HERC4: variants seen among roughly 807,000 people sequenced by gnomAD.
HERC4 encodes probable E3 ubiquitin-protein ligase HERC4.
A neutral mutation model predicts 124.3 loss-of-function variants in HERC4; 28 were observed. The observed-to-expected ratio is 0.23, with a 90% confidence interval of 0.17 to 0.31. HERC4 has a LOEUF of 0.31. HERC4 is among the 10% of genes least tolerant of loss of function. The probability of loss-of-function intolerance (pLI) is 1.00; values close to 1 mark genes in which losing one functional copy is unlikely to be tolerated. For synonymous variants in HERC4, 407 were observed against 421.5 expected (o/e 0.97, Z 0.42); for missense variants, 713 against 1,229.3 (o/e 0.58, Z 6.28).
At chr10:68,030,293 T>C (rs1424952165) in intron 7 of HERC4, among the ~76,000 whole-genome samples, 2 of 151,456 alleles carry the variant, frequency 1.3e-5, no homozygotes, top group Non-Finnish European at 2.9e-5. Context: ...ATACAAAAAA[T>C]AGCCGGGTGT....
At chr10:68,013,539 T>C (rs1482410054) in intron 9 of HERC4, among the ~76,000 whole-genome samples, 4 of 152,254 alleles carry the variant, frequency 2.6e-5, no homozygotes, top group African/African-American at 7.2e-5. Context: ...TAAGTCAAAT[T>C]CATAAAGACA....
At chr10:67,955,812 G>A (rs12414281) in intron 17 of HERC4, 16,827 of 152,112 alleles carry the variant, frequency 0.11, 961 homozygotes, top group South Asian at 0.15. Flanking sequence ...GAATGATCTG[G>A]CTAAGGAAGC....
chr10:67,968,188 T>TA (rs2035005499), intron 15 of HERC4, among the ~76,000 whole-genome samples: 1 of 151,928 alleles, frequency 6.6e-6, no homozygotes, highest in Non-Finnish European at 1.5e-5. Context: ...CAGTGAGGAA[T>TA]AAAAAAATCA....
chr10:67,962,771 T>C (rs1369950945), intron 16 of HERC4, among the ~76,000 whole-genome samples: 1 of 152,146 alleles, frequency 6.6e-6, no homozygotes, highest in Admixed American at 6.6e-5. Flanking sequence ...AAAATGCTCT[T>C]AGAAAATGTT....
At chr10:67,993,495 C>G (rs1341378774) in intron 9 of HERC4, 1 of 151,706 alleles carries the variant, frequency 6.6e-6, no homozygotes, top group African/African-American at 2.4e-5. Flanking sequence ...CCACTGCACT[C>G]CAGCAAGCAA....
intron 4 of HERC4, among the ~76,000 whole-genome samples, chr10:68,041,333 T>C (rs183099483): frequency 8.1e-4 from 123 of 152,184 alleles, no homozygotes; most frequent in Non-Finnish European, 2.9e-4. Flanking sequence ...AATAGGGGAG[T>C]AGATTTTTAA....
rs1483018828 is a variant in HERC4, at chr10:68,059,633, A to C, written c.226+13250T>G. 2.6e-4 allele frequency among the ~76,000 whole-genome samples: 22 copies of C among 83,892 alleles called. 3 individuals are homozygous for C. Among genetic ancestry groups the C allele is most frequent in the Non-Finnish European group, 3.4e-4 (18 of 52,420 alleles). 55.0% of individuals were successfully genotyped at this position (83,892 alleles called of 152,430 possible). A position where few individuals can be genotyped will look rare whatever the true frequency, so the allele number is the denominator to read the frequency against. ...TATATATCATAATATTATATATCAT[A>C]ATATTATATATTATATTATATATCA... On this transcript the variant is annotated intron_variant, in intron 3 of 24. Coordinates refer to ENST00000373700, the MANE Select transcript of HERC4 (RefSeq NM_015601.4).
At chr10:68,021,381 GAC>G (rs913083340) in intron 8 of HERC4, among the ~76,000 whole-genome samples, 31 of 152,280 alleles carry the variant, frequency 2.0e-4, no homozygotes, top group African/African-American at 7.0e-4. Flanking sequence ...AGGAGGAAAA[GAC>G]ACACACAATC....
chr10:67,998,164 T>C (rs1430915645), intron 9 of HERC4, among the ~76,000 whole-genome samples: 2 of 151,800 alleles, frequency 1.3e-5, no homozygotes, highest in Non-Finnish European at 2.9e-5. Flanking sequence ...CCCAAAGTGC[T>C]GGGATTACAG....
chr10:68,005,114 C>T (rs1589297438), intron 9 of HERC4, among the ~76,000 whole-genome samples: 1 of 152,114 alleles, frequency 6.6e-6, no homozygotes. Flanking sequence ...CTGTTCTGTT[C>T]CATTGGTCCA....
At chr10:68,059,459 A>AATATTATATATTATAATATTATATATT (rs1491587972) in intron 3 of HERC4, among the ~76,000 whole-genome samples, 24 of 83,198 alleles carry the variant, frequency 2.9e-4, no homozygotes, top group East Asian at 2.4e-3. Context: ...TATATATTAT[A>AATATTATATATTATAATATTATATATT]ATAATATTAT....
In HERC4 at chr10:68,072,971, A is replaced by G; in HGVS notation, c.138T>C (p.Thr46=). ...CTGTTCCATCATCCAGAACAAACAC[A>G]GTATGTCTGAGTCCACATCCTACAT... ...VRDVGCGLRH[T]VFVLDDGTVY... is the part of the protein sequence containing the mutation. The change falls in exon 3 of 25, where the codon ACT becomes ACC. Residue 46 remains threonine (T), a synonymous_variant. Transcript: ENST00000373700. The G allele has an allele frequency of 6.2e-7, 1 of 1,614,072 alleles. No individual in the cohort carries two copies.
chr10:67,992,316 C>T lies in HERC4; in HGVS notation c.1154G>A (p.Gly385Glu), dbSNP rs1210302175. The T allele has an allele frequency of 6.2e-7, 1 of 1,612,880 alleles. No homozygotes were observed. Among genetic ancestry groups the T allele is most frequent in the Non-Finnish European group, 8.5e-7 (1 of 1,179,348 alleles). Residue 385 changes from glycine (G) to glutamate (E), a missense_variant, in exon 11 of 25, where the codon GGG becomes GAG. Physicochemically the swap from Gly to Glu is moderately conservative, Grantham distance 98. Transcript: ENST00000373700. The stretch of plus-strand genomic sequence containing the variant: ...GGGACATCTGAAGTCATCTGGTGGC[C>T]CACAGTTCTAAATTTTCAAATAAGA... The part of the protein sequence containing the change: ...FSHYSSPQNC[G>E]PPDDFRCPNP...
At chr10:68,062,798 C>T (rs988287048) in intron 3 of HERC4, among the ~76,000 whole-genome samples, 2 of 152,038 alleles carry the variant, frequency 1.3e-5, no homozygotes, top group Non-Finnish European at 2.9e-5. Context: ...ACTACCATCA[C>T]AGCCTAACTA....
At chr10:67,988,200 C>T (rs946749019) in intron 15 of HERC4, 1 of 152,074 alleles carries the variant, frequency 6.6e-6, no homozygotes. Context: ...CATACGGTTC[C>T]AATTTTAAAT....
intron 4 of HERC4, chr10:68,039,580 C>T (rs1422283351): frequency 2.9e-5 from 43 of 1,508,228 alleles, no homozygotes; most frequent in Non-Finnish European, 3.7e-5. Flanking sequence ...TGAAGTTATG[C>T]TCTTAACTAC....
chr10:67,974,927 A>G (rs1281516682), intron 15 of HERC4, among the ~76,000 whole-genome samples: 1 of 152,192 alleles, frequency 6.6e-6, no homozygotes, highest in Non-Finnish European at 1.5e-5. Flanking sequence ...GCAGTGGCTC[A>G]TGCCTGTAAT....
chr10:67,965,657 T>C (rs2034818670), intron 16 of HERC4: 1 of 152,212 alleles, frequency 6.6e-6, no homozygotes, highest in Non-Finnish European at 1.5e-5. Flanking sequence ...TAGTGCTTAC[T>C]AGACATATTC....
At chr10:67,942,088 A>AT (rs527990644) in intron 19 of HERC4, among the ~76,000 whole-genome samples, 2 of 152,166 alleles carry the variant, frequency 1.3e-5, no homozygotes, top group East Asian at 1.9e-4. Flanking sequence ...GAAAATGTTT[A>AT]TTTTTTTCCC....
Sources: allele counts gnomAD v4.1 joint callset (sites outside exome capture counted in the v4.1 genomes callset), GRCh38; gene constraint gnomAD v4.1.1; transcripts MANE v1.5; gene names NCBI Gene and HGNC (gene_info 2026-07-23, HGNC 2026-07-21).